TMEM255A: variants seen among roughly 807,000 people sequenced by gnomAD.
TMEM255A encodes family with sequence similarity 70, member A.
TMEM255A carries 14 observed loss-of-function variants against 23.5 expected under a neutral mutation model. The ratio of observed to expected loss-of-function variants is 0.60; its 90% confidence interval spans 0.39 to 0.93. The LOEUF (loss-of-function observed/expected upper bound fraction) is 0.93, where lower values mean the gene tolerates loss of function less well. Among genes scored for constraint, TMEM255A ranks in the 40% least tolerant of loss-of-function variants. The probability of loss-of-function intolerance (pLI) is 0.00; values close to 1 mark genes in which losing one functional copy is unlikely to be tolerated. For synonymous variants in TMEM255A, 104 were observed against 100.3 expected, an observed-to-expected ratio of 1.04 and a Z score of -0.22; for missense variants, 233 against 261.7, an observed-to-expected ratio of 0.89 and a Z score of 0.76.
At chrX:120,270,368 C>T (rs1272644773) in intron 7 of TMEM255A, among the ~76,000 whole-genome samples, 1 of 108,083 alleles carries the variant, frequency 9.3e-6, no homozygotes, top group African/African-American at 3.4e-5. Flanking sequence ...CGCCCTGCCC[C>T]CCCATTATTG....
At chrX:120,281,119 G>A (rs1030129026) in intron 6 of TMEM255A, among the ~76,000 whole-genome samples, 1 of 112,413 alleles carries the variant, frequency 8.9e-6, no homozygotes, top group South Asian at 3.7e-4. Context: ...CCGACATGAT[G>A]TTTCTGTCAA....
At chrX:120,295,332 G>A (rs782509574) in intron 2 of TMEM255A, among the ~76,000 whole-genome samples, 6 of 111,376 alleles carry the variant, frequency 5.4e-5, no homozygotes, top group Non-Finnish European at 1.1e-4. Context: ...CTTGCACCTA[G>A]GTTTGGGAAT....
chrX:120,287,676 G>C (rs1348368582), intron 4 of TMEM255A, among the ~76,000 whole-genome samples: 4 of 111,366 alleles, frequency 3.6e-5, no homozygotes, highest in Non-Finnish European at 7.5e-5. Context: ...TGTACCTCTT[G>C]CTGTCATTTC....
Position 120,268,223 on chromosome X carries a change from CT to C in TMEM255A, c.819+20del, listed in dbSNP as rs782070643. On this transcript the variant is annotated intron_variant, in intron 8 of 8. Coordinates refer to ENST00000371369, the MANE Select transcript of TMEM255A (RefSeq NM_001104544.3). ...GTGAGAACAAGGGTAATACAGAGTT[CT>C]TTTTTCTCCCAAAACATACCTGAAA... The C allele has an allele frequency of 1.7e-6, 2 of 1,198,230 alleles. No individual in the cohort carries two copies. Among genetic ancestry groups the C allele is most frequent in the East Asian group, 6.0e-5 (2 of 33,584 alleles).
intron 2 of TMEM255A, among the ~76,000 whole-genome samples, chrX:120,302,183 A>G (rs2058037248): frequency 9.0e-6 from 1 of 111,264 alleles, no homozygotes; most frequent in Non-Finnish European, 1.9e-5. Context: ...AACATCAGGT[A>G]CTTGAATAAC....
intron 8 of TMEM255A, among the ~76,000 whole-genome samples, chrX:120,265,714 A>G (rs1341208248): frequency 1.8e-5 from 2 of 112,100 alleles, no homozygotes; most frequent in Non-Finnish European, 3.8e-5. Flanking sequence ...TCCATGATTC[A>G]GTCATCTTAT....
intron 1 of TMEM255A, among the ~76,000 whole-genome samples, chrX:120,305,881 G>T (rs1218115208): frequency 9.0e-6 from 1 of 111,612 alleles, no homozygotes; most frequent in Non-Finnish European, 1.9e-5. Context: ...GTCTTCCCCA[G>T]TACTGTCCCT....
intron 7 of TMEM255A, among the ~76,000 whole-genome samples, chrX:120,268,736 A>G (rs1247924541): frequency 8.9e-6 from 1 of 111,885 alleles, no homozygotes; most frequent in Non-Finnish European, 1.9e-5. Flanking sequence ...GGGATTCTTA[A>G]CTTTCTACTA....
chrX:120,309,330 G>A (rs2058084051), intron 1 of TMEM255A, among the ~76,000 whole-genome samples: 1 of 113,220 alleles, frequency 8.8e-6, no homozygotes, highest in South Asian at 3.6e-4. Context: ...TGTTTGTTGC[G>A]CAGACCTTTC....
chrX:120,280,928 C>T (rs782188723), intron 6 of TMEM255A, among the ~76,000 whole-genome samples: 19 of 112,402 alleles, frequency 1.7e-4, no homozygotes, highest in African/African-American at 5.8e-4. Flanking sequence ...TTCAATAGTG[C>T]CTTCTTCAAA....
intron 4 of TMEM255A, among the ~76,000 whole-genome samples, chrX:120,289,914 A>G (rs917952146): frequency 1.8e-5 from 2 of 111,040 alleles, no homozygotes; most frequent in East Asian, 5.6e-4. Flanking sequence ...AAAGAAACCA[A>G]TCACAAGAGA....
intron 8 of TMEM255A, among the ~76,000 whole-genome samples, 157 bp from the exon 9 acceptor site, chrX:120,261,185 G>T (rs1245141913): frequency 4.5e-5 from 5 of 111,929 alleles, no homozygotes; most frequent in African/African-American, 1.6e-4. Flanking sequence ...TGGAACAGGT[G>T]GTTCTCTCAG....
chrX:120,290,309 A>G (rs2057906072), intron 4 of TMEM255A, among the ~76,000 whole-genome samples: 1 of 112,015 alleles, frequency 8.9e-6, no homozygotes, highest in Non-Finnish European at 1.9e-5. Context: ...CACTAGGCCT[A>G]TGTTGCCATG....
At chrX:120,297,241 CTG>C (rs200079799) in intron 2 of TMEM255A, among the ~76,000 whole-genome samples, 2,269 of 83,418 alleles carry the variant, frequency 0.027, 102 homozygotes, top group African/African-American at 0.097. Context: ...CTTAACCACT[CTG>C]TGCTTTGGTT....
intron 8 of TMEM255A, among the ~76,000 whole-genome samples, chrX:120,267,679 G>A (rs781996211): frequency 4.2e-4 from 47 of 111,996 alleles, no homozygotes; most frequent in Non-Finnish European, 6.6e-4. Flanking sequence ...TCTGACTTAC[G>A]TGATAACAGG....
At chrX:120,272,461 C>T (rs908144994) in intron 7 of TMEM255A, among the ~76,000 whole-genome samples, 4 of 111,600 alleles carry the variant, frequency 3.6e-5, no homozygotes, top group Non-Finnish European at 7.5e-5. Context: ...CTGTAATCCC[C>T]AGGTGTTGAG....
chrX:120,252,184 C>G, the TMEM255A span, among the ~76,000 whole-genome samples: 1 of 111,425 alleles, frequency 9.0e-6, no homozygotes, highest in Admixed American at 9.5e-5. Context: ...CAGAACTGCC[C>G]TCCACCTGTA....
At chrX:120,254,652 C>G, downstream of TMEM255A, 4 of 1,211,713 alleles carry the variant, frequency 3.3e-6, no homozygotes, top group Non-Finnish European at 4.5e-6. Flanking sequence ...AATGGAGGGT[C>G]AGAAGATCAT....
At chrX:120,296,117 A>G (rs2057953087) in intron 2 of TMEM255A, among the ~76,000 whole-genome samples, 1 of 112,164 alleles carries the variant, frequency 8.9e-6, no homozygotes, top group South Asian at 3.7e-4. Context: ...CTTACGGGAA[A>G]AATAAGTCCT....
Sources: allele counts gnomAD v4.1 joint callset (sites outside exome capture counted in the v4.1 genomes callset), GRCh38; gene constraint gnomAD v4.1.1; transcripts MANE v1.5; gene names NCBI Gene and HGNC (gene_info 2026-07-23, HGNC 2026-07-21).